METTL8: variants seen among roughly 807,000 people sequenced by gnomAD.
METTL8 encodes methyltransferase 8, tRNA N3-cytidine.
METTL8 carries 32 observed loss-of-function variants against 48.7 expected under a neutral mutation model. The ratio of observed to expected loss-of-function variants is 0.66; its 90% CI spans 0.50 to 0.88. METTL8 has a LOEUF of 0.88. METTL8 is among the 40% of genes least tolerant of loss of function. The pLI is 0.00. For missense variants in METTL8, 464 were observed against 474.4 expected, an observed-to-expected ratio of 0.98 and a Z score of 0.20; for synonymous variants, 136 against 157.1, an observed-to-expected ratio of 0.87 and a Z score of 1.01.
chr2:171,404,902 A>C (rs1690024201), intron 1 of METTL8, among the ~76,000 whole-genome samples: 1 of 152,198 alleles, frequency 6.6e-6, no homozygotes, highest in Non-Finnish European at 1.5e-5. Context: ...TAAAGAAAAC[A>C]GTGGCCATGA....
rs1428766029 is a variant in METTL8 at position 171,339,324 on chromosome 2, A to G, written c.466T>C (p.Tyr156His). Residue 156 changes from tyrosine (Y) to histidine (H), a missense_variant, in exon 4 of 10, where the codon TAT becomes CAT. By Grantham distance (83) the Tyr-to-His change is moderately conservative. Transcript: ENST00000375258. ...TCTGAAGAACCAGAACTTTTCTCAT[A>G]ATGATTTTTTTCATCAGGCACAGTA... Reference protein sequence around the residue: ...CPTVPDEKNHYEKSSGSSEGQ... With the variant: ...CPTVPDEKNHHEKSSGSSEGQ... The G allele has an allele frequency of 6.2e-7, 1 of 1,612,716 alleles. No homozygotes were observed. Among genetic ancestry groups the G allele is most frequent in the African/African-American group, 1.3e-5 (1 of 74,868 alleles).
Position 171,324,175 on chromosome 2 carries a change from G to A in METTL8, c.1221C>T (p.Asp407=). The part of the protein sequence containing the change: ...SNMVSTLLSQ[D] ...GTACCTTAACATGTTACAAAGTTCAGTCTTGTGAAAGGAGTGTAGATACCA... is the reference window on the plus strand; with the variant it reads ...GTACCTTAACATGTTACAAAGTTCAATCTTGTGAAAGGAGTGTAGATACCA... The change falls in exon 10 of 10, where the codon GAC becomes GAT. Residue 407 remains aspartate (D), a synonymous_variant. Coordinates refer to ENST00000375258, the MANE Select transcript of METTL8 (RefSeq NM_001321154.2). 1 of 1,546,796 alleles carries A rather than the reference G, an allele frequency of 6.5e-7. No homozygotes were observed. Among genetic ancestry groups the A allele is most frequent in the Non-Finnish European group, 8.7e-7 (1 of 1,144,574 alleles).
At chr2:171,423,651 T>A (rs880001511) in intron 1 of METTL8, among the ~76,000 whole-genome samples, 1 of 152,146 alleles carries the variant, frequency 6.6e-6, no homozygotes, top group Non-Finnish European at 1.5e-5. Flanking sequence ...GCCCTAGAGA[T>A]CTGTGGAACT....
intron 1 of METTL8, among the ~76,000 whole-genome samples, chr2:171,418,761 C>T (rs1427496598): frequency 6.6e-6 from 1 of 152,056 alleles, no homozygotes; most frequent in Non-Finnish European, 1.5e-5. Context: ...CAAGACCAGT[C>T]TGGACAACAT....
chr2:171,370,328 T>C (rs559560433), intron 2 of METTL8, among the ~76,000 whole-genome samples: 4 of 152,322 alleles, frequency 2.6e-5, no homozygotes, highest in African/African-American at 7.2e-5. Flanking sequence ...TCACATGTAC[T>C]TCCTCCTGGA....
At chr2:171,369,421 C>T (rs1173287145) in intron 2 of METTL8, among the ~76,000 whole-genome samples, 2 of 152,210 alleles carry the variant, frequency 1.3e-5, no homozygotes. Context: ...TCCATTATGG[C>T]AGACATTATA....
chr2:171,434,227 AG>A (rs1257136142), upstream of METTL8: 1 of 442,360 alleles, frequency 2.3e-6, no homozygotes, highest in Non-Finnish European at 4.6e-6. Flanking sequence ...AGTTCCTGGG[AG>A]AAGCCGGGCT....
intron 2 of METTL8, among the ~76,000 whole-genome samples, chr2:171,383,535 C>T (rs1559148666): frequency 6.6e-6 from 1 of 152,112 alleles, no homozygotes; most frequent in African/African-American, 2.4e-5. Flanking sequence ...GTTATGTACA[C>T]ATGTGCTGGT....
chr2:171,326,194 T>C, intron 7 of METTL8, 46 bp from the exon 8 acceptor site: 2 of 1,020,496 alleles, frequency 2.0e-6, no homozygotes, highest in East Asian at 5.3e-5. Context: ...GTAGAAATCT[T>C]GTTTTATATG....
At chr2:171,430,227 G>A (rs555216726) in intron 1 of METTL8, among the ~76,000 whole-genome samples, 1 of 151,284 alleles carries the variant, frequency 6.6e-6, no homozygotes, top group African/African-American at 2.4e-5. Context: ...GGATGGTGGT[G>A]TGCGCCTGTA....
chr2:171,355,360 G>A (rs1684413554), intron 3 of METTL8, among the ~76,000 whole-genome samples: 2 of 151,906 alleles, frequency 1.3e-5, no homozygotes, highest in Admixed American at 6.5e-5. Flanking sequence ...CTGTCCGTAT[G>A]AGGTGTCAGT....
chr2:171,341,834 TACACACACAC>T (rs56145145), intron 3 of METTL8, among the ~76,000 whole-genome samples: 28 of 147,294 alleles, frequency 1.9e-4, no homozygotes, highest in African/African-American at 5.0e-4. Flanking sequence ...AATATTCATG[TACACACACAC>T]ACACACACAC....
At chr2:171,369,489 T>C (rs1324916008) in intron 2 of METTL8, among the ~76,000 whole-genome samples, 1 of 152,252 alleles carries the variant, frequency 6.6e-6, no homozygotes, top group Non-Finnish European at 1.5e-5. Flanking sequence ...TTTGGGAATA[T>C]ACATTTACAT....
rs138927927 is a variant in METTL8 at position 171,431,569 on chromosome 2, C to T, written c.-13+2314G>A. The stretch of plus-strand genomic sequence containing the variant: ...GTTGCTCAATAAAACTCTTCTCTGT[C>T]CTCCTCACCCTCCGATTGTTAGTGT... On this transcript the variant is annotated intron_variant, in intron 1 of 9. Transcript: ENST00000375258. 4.9e-4 allele frequency among the ~76,000 whole-genome samples: 75 copies of T among 152,328 alleles called. 1 individual carries two copies. In the East Asian group the frequency reaches 0.011, roughly 22 times the overall value.
intron 2 of METTL8, among the ~76,000 whole-genome samples, chr2:171,381,780 CTTTTTTT>C (rs35185395): frequency 3.2e-5 from 4 of 125,682 alleles, no homozygotes; most frequent in Non-Finnish European, 5.0e-5. Context: ...ATTAGGAACA[CTTTTTTT>C]TTTTTTTTTT....
intron 1 of METTL8, among the ~76,000 whole-genome samples, chr2:171,393,373 G>C (rs1688762211): frequency 6.8e-6 from 1 of 147,366 alleles, no homozygotes; most frequent in East Asian, 2.0e-4. Flanking sequence ...ATTCCAGCCT[G>C]GGTCATAGAG....
intron 1 of METTL8, among the ~76,000 whole-genome samples, chr2:171,400,494 C>A (rs1689535509): frequency 6.6e-6 from 1 of 152,114 alleles, no homozygotes. Context: ...GGGCCTTAAT[C>A]AAATAGCAAG....
chr2:171,415,432 A>G (rs1251161186), intron 1 of METTL8, among the ~76,000 whole-genome samples: 2 of 142,176 alleles, frequency 1.4e-5, no homozygotes, highest in Non-Finnish European at 3.0e-5. Context: ...GGCTCACTGC[A>G]ACCTCTGCCA....
At chr2:171,414,404 C>A (rs1362068164) in intron 1 of METTL8, among the ~76,000 whole-genome samples, 7 of 143,870 alleles carry the variant, frequency 4.9e-5, no homozygotes, top group Admixed American at 4.9e-4. Context: ...GCAACAAGAG[C>A]GAAACTCCGT....
Sources: allele counts gnomAD v4.1 joint callset (sites outside exome capture counted in the v4.1 genomes callset), GRCh38; gene constraint gnomAD v4.1.1; transcripts MANE v1.5; gene names NCBI Gene and HGNC (gene_info 2026-07-23, HGNC 2026-07-21).